The following ACER1 variants were observed in gnomAD, a reference collection of about 807,000 sequenced individuals.
ACER1 encodes the protein alkaline ceramidase 1.
A neutral mutation model predicts 24.9 loss-of-function variants in ACER1; 28 were observed. The ratio of observed to expected loss-of-function variants is 1.13; its 90% CI spans 0.83 to 1.54. ACER1 has a LOEUF of 1.54. Among genes scored for constraint, ACER1 ranks in the 40% most tolerant of loss-of-function variants. The pLI is 0.00. For missense variants in ACER1, 352 were observed against 349.3 expected (o/e 1.01, Z -0.06); for synonymous variants, 132 against 131.4 (o/e 1.00, Z -0.03).
At chr19:6,332,648 T>C (rs1489971899) in intron 1 of ACER1, among the ~76,000 whole-genome samples, 1 of 151,816 alleles carries the variant, frequency 6.6e-6, no homozygotes, top group Non-Finnish European at 1.5e-5. Context: ...TGTCCAGAAC[T>C]GAGGAGTTTC....
chr19:6,313,863 A>G (rs1420612274), intron 1 of ACER1, among the ~76,000 whole-genome samples: 2 of 152,190 alleles, frequency 1.3e-5, no homozygotes. Flanking sequence ...TGAAGCCACC[A>G]CGCTGGAGAA....
the ACER1 span, among the ~76,000 whole-genome samples, chr19:6,350,224 T>C: frequency 6.6e-6 from 1 of 151,384 alleles, no homozygotes; most frequent in Non-Finnish European, 1.5e-5. Flanking sequence ...TCCCAGCACT[T>C]TGGGAGGCTG....
At chr19:6,316,546 C>T (rs1483098734) in intron 1 of ACER1, among the ~76,000 whole-genome samples, 3 of 151,748 alleles carry the variant, frequency 2.0e-5, no homozygotes, top group Non-Finnish European at 4.4e-5. Flanking sequence ...TCGGGCCGGG[C>T]GCGGTGGCTT....
chr19:6,327,178 G>T (rs1482443710), intron 1 of ACER1, among the ~76,000 whole-genome samples: 1 of 152,250 alleles, frequency 6.6e-6, no homozygotes, highest in South Asian at 2.1e-4. Flanking sequence ...TGCCTATAAT[G>T]CCAGCACTTT....
chr19:6,358,565 T>A, the ACER1 span, among the ~76,000 whole-genome samples: 1 of 150,084 alleles, frequency 6.7e-6, no homozygotes, highest in Non-Finnish European at 1.5e-5. Context: ...AGGCGGAGCT[T>A]GCAGTGAGCC....
At chr19:6,330,781 G>T (rs1331826787) in intron 1 of ACER1, among the ~76,000 whole-genome samples, 2 of 149,722 alleles carry the variant, frequency 1.3e-5, no homozygotes, top group Non-Finnish European at 2.9e-5. Context: ...TGGGACTACT[G>T]AGGACCGGGA....
At chr19:6,338,492 A>G (rs1036259189), upstream of ACER1, among the ~76,000 whole-genome samples, 2 of 152,224 alleles carry the variant, frequency 1.3e-5, no homozygotes, top group African/African-American at 2.4e-5. Flanking sequence ...GAAAATGTAT[A>G]GTTATAAAAG....
Position 6,307,238 on chromosome 19 carries a change from C to G in ACER1, c.541G>C (p.Ala181Pro), listed in dbSNP as rs200048395. ...CTGATCCAGCTGGTCAGAGCAACAG[C>G]CCATAAAACCACGGAGACCTCAATC... is the stretch of plus-strand genomic sequence containing the variant. Reference protein sequence around the residue: ...HLIEVSVVLWAVALTSWISDR... With the variant: ...HLIEVSVVLWPVALTSWISDR... The change falls in exon 5 of 6, where the codon GCT becomes CCT. Residue 181 changes from alanine (A) to proline (P), a missense_variant. By Grantham distance (27) the Ala-to-Pro change is conservative. Transcript: ENST00000301452. 2.5e-6 allele frequency: 4 copies of G among 1,613,958 alleles called. No individual in the cohort carries two copies.
intron 1 of ACER1, among the ~76,000 whole-genome samples, chr19:6,321,094 T>C (rs1244852999): frequency 1.3e-5 from 2 of 151,816 alleles, no homozygotes; most frequent in East Asian, 1.9e-4. Flanking sequence ...AGTATATTCA[T>C]AAGGCATGCA....
At chr19:6,345,052 A>C in the ACER1 span, among the ~76,000 whole-genome samples, 1 of 151,782 alleles carries the variant, frequency 6.6e-6, no homozygotes, top group Non-Finnish European at 1.5e-5. Context: ...TTTTTAGTAG[A>C]GACGGGGTTT....
chr19:6,350,122 C>T, the ACER1 span, among the ~76,000 whole-genome samples: 2 of 151,774 alleles, frequency 1.3e-5, no homozygotes, highest in Admixed American at 6.6e-5. Flanking sequence ...CAAAGTGAGA[C>T]CCTGCCCTGT....
the ACER1 span, among the ~76,000 whole-genome samples, chr19:6,347,305 C>T: frequency 6.7e-6 from 1 of 148,906 alleles, no homozygotes. Flanking sequence ...ACTGCAGCCT[C>T]AACCTCCTGG....
At chr19:6,311,529 G>A (rs1600234972) in intron 3 of ACER1, among the ~76,000 whole-genome samples, 4 of 151,634 alleles carry the variant, frequency 2.6e-5, no homozygotes, top group Admixed American at 1.3e-4. Flanking sequence ...GTGACAGAGC[G>A]AGACTCTGTC....
At chr19:6,323,509 T>A (rs994290701) in intron 1 of ACER1, among the ~76,000 whole-genome samples, 3 of 149,642 alleles carry the variant, frequency 2.0e-5, no homozygotes, top group Non-Finnish European at 3.0e-5. Context: ...AAGATGTGAC[T>A]TGCTCCTCCT....
the ACER1 span, among the ~76,000 whole-genome samples, chr19:6,348,775 A>T: frequency 9.2e-5 from 14 of 152,030 alleles, no homozygotes; most frequent in Non-Finnish European, 1.8e-4. Flanking sequence ...GAAGCACGGC[A>T]GGCTGGGCAT....
At chr19:6,337,661 CTTTTTTT>C (rs1192304687), upstream of ACER1, among the ~76,000 whole-genome samples, 1,287 of 26,032 alleles carry the variant, frequency 0.049, 88 homozygotes, top group African/African-American at 0.18. Flanking sequence ...TTCTTTCTTT[CTTTTTTT>C]TTTTTTTTTT....
Position 6,309,846 on chromosome 19 carries a change from G to A in ACER1, c.351-12C>T. The A allele has an allele frequency of 6.2e-7, 1 of 1,613,870 alleles. No individual in the cohort carries two copies. Among genetic ancestry groups the A allele is most frequent in the South Asian group, 1.1e-5 (1 of 91,076 alleles). ...GGATGAACTGGGACCTGGGGAGGAA[G>A]GGGCTCAGCTGTAGGCGGGAAGGGA... On this transcript the variant is annotated splice_polypyrimidine_tract_variant and intron_variant, in intron 3 of 5. Transcript: ENST00000301452.
rs376515305 is a variant in ACER1, at chr19:6,307,251, G to A, written c.528C>T (p.Ser176=). ...TCAGAGCAACAGCCCATAAAACCACGGAGACCTCAATCAGGTGCCGAAGCT... is the reference window on the plus strand; with the variant it reads ...TCAGAGCAACAGCCCATAAAACCACAGAGACCTCAATCAGGTGCCGAAGCT... ...NKELRHLIEV[S]VVLWAVALTS... The change falls in exon 5 of 6, where the codon TCC becomes TCT. Residue 176 remains serine, a synonymous_variant. Coordinates refer to ENST00000301452, the MANE Select transcript of ACER1 (RefSeq NM_133492.3). 1.2e-5 allele frequency: 20 copies of A among 1,613,952 alleles called. No homozygotes were observed. The highest frequency in any genetic ancestry group is 5.3e-5 in the African/African-American group (4 of 74,908).
the ACER1 span, among the ~76,000 whole-genome samples, chr19:6,355,152 T>C: frequency 6.6e-6 from 1 of 152,074 alleles, no homozygotes. Flanking sequence ...TGGAGTGCAG[T>C]GGCGTGATCT....
Sources: allele counts gnomAD v4.1 joint callset (sites outside exome capture counted in the v4.1 genomes callset), GRCh38; gene constraint gnomAD v4.1.1; transcripts MANE v1.5; gene names NCBI Gene and HGNC (gene_info 2026-07-23, HGNC 2026-07-21).